TEKT5: variants seen among roughly 807,000 people sequenced by gnomAD.
TEKT5 encodes the protein tektin 5.
Under a neutral mutation model 48.7 loss-of-function variants are expected in TEKT5, and 52 were observed. The observed-to-expected ratio is 1.07, with a 90% CI of 0.86 to 1.35. The LOEUF is 1.35. Among genes scored for constraint, TEKT5 ranks in the 40% most tolerant of loss-of-function variants. The pLI is 0.00. For synonymous variants in TEKT5, 318 were observed against 267.6 expected (o/e 1.19, Z -1.84); for missense variants, 831 against 641.6 (o/e 1.30, Z -3.19).
At position 10,675,942 on chromosome 16, in the gene TEKT5, T is replaced by C. The variant is rs1898636310; in HGVS notation, c.1086+17A>G. 6.2e-7 allele frequency: 1 copy of C among 1,613,208 alleles called. No individual in the cohort carries two copies. ...GGCTTGGCAGAGAAGGCAGGGGTCCTGGGAGGATCTGCTCACCTTCGCCAG... is the reference window on the plus strand; with the variant it reads ...GGCTTGGCAGAGAAGGCAGGGGTCCCGGGAGGATCTGCTCACCTTCGCCAG... On this transcript the variant is annotated intron_variant, in intron 5 of 6. Transcript: ENST00000283025.
intron 5 of TEKT5, among the ~76,000 whole-genome samples, chr16:10,636,164 C>T (rs1262226259): frequency 1.3e-5 from 2 of 152,120 alleles, no homozygotes; most frequent in African/African-American, 4.8e-5. Flanking sequence ...CACCTGAGGT[C>T]AGGGGTTCTA....
chr16:10,643,293 G>A (rs559339760), intron 5 of TEKT5, among the ~76,000 whole-genome samples: 1 of 152,040 alleles, frequency 6.6e-6, no homozygotes, highest in African/African-American at 2.4e-5. Flanking sequence ...GTGAGAGGAT[G>A]GCTTGAGCCT....
intron 5 of TEKT5, among the ~76,000 whole-genome samples, chr16:10,666,164 G>A (rs928363372): frequency 6.6e-6 from 1 of 152,170 alleles, no homozygotes; most frequent in Non-Finnish European, 1.5e-5. Context: ...CCAAGCCACG[G>A]GGAGTAGGCA....
chr16:10,646,684 G>C (rs1898075854), intron 5 of TEKT5, among the ~76,000 whole-genome samples: 1 of 152,080 alleles, frequency 6.6e-6, no homozygotes, highest in African/African-American at 2.4e-5. Context: ...TCCCTAAAGA[G>C]GACAAAAGGA....
At chr16:10,633,513 C>G (rs1471068010) in intron 6 of TEKT5, among the ~76,000 whole-genome samples, 1 of 152,120 alleles carries the variant, frequency 6.6e-6, no homozygotes, top group Non-Finnish European at 1.5e-5. Flanking sequence ...GACCTAGACC[C>G]TATCCATCTC....
At chr16:10,689,474 C>T (rs944131319) in intron 2 of TEKT5, 151 bp from the exon 3 acceptor site, 6 of 628,550 alleles carry the variant, frequency 9.5e-6, no homozygotes, top group African/African-American at 3.8e-5. Flanking sequence ...CCTCAATCCA[C>T]GTGACCCCAG....
intron 3 of TEKT5, 120 bp downstream of exon 3, chr16:10,689,133 T>A (rs980514945): frequency 2.4e-5 from 17 of 696,812 alleles, no homozygotes; most frequent in East Asian, 1.4e-4. Context: ...TTTACCAGCA[T>A]ACCACTGACC....
At chr16:10,690,885 C>T in intron 1 of TEKT5, 1 of 709,800 alleles carries the variant, frequency 1.4e-6, no homozygotes, top group Non-Finnish European at 1.7e-6. Flanking sequence ...TATGTGAGAA[C>T]TCAGAAATGG....
At chr16:10,691,804 G>T (rs970509322) in intron 1 of TEKT5, among the ~76,000 whole-genome samples, 1 of 152,028 alleles carries the variant, frequency 6.6e-6, no homozygotes, top group African/African-American at 2.4e-5. Flanking sequence ...AAAGATTAGC[G>T]GGGCATAGTG....
chr16:10,629,652 G>A (rs1897808400), intron 6 of TEKT5, among the ~76,000 whole-genome samples: 3 of 152,314 alleles, frequency 2.0e-5, no homozygotes, highest in South Asian at 2.1e-4. Context: ...CAGCTGCTAC[G>A]AGTGAGTGTT....
chr16:10,687,518 T>C (rs1310194202), intron 3 of TEKT5, among the ~76,000 whole-genome samples: 4 of 152,360 alleles, frequency 2.6e-5, no homozygotes, highest in Admixed American at 2.6e-4. Context: ...TGTGGGAGCC[T>C]GAGGTGGGCA....
chr16:10,635,731 G>GT (rs758810353), intron 6 of TEKT5, 33 bp downstream of exon 6: 1 of 1,596,560 alleles, frequency 6.3e-7, no homozygotes. Flanking sequence ...ATTCCCAGGG[G>GT]TTCTCCTGCC....
At chr16:10,675,279 G>A (rs966198926) in intron 5 of TEKT5, among the ~76,000 whole-genome samples, 1 of 152,110 alleles carries the variant, frequency 6.6e-6, no homozygotes, top group Admixed American at 6.5e-5. Flanking sequence ...ATGTTTATAC[G>A]GCTCCTCATT....
At chr16:10,685,698 C>T (rs1483599763) in intron 3 of TEKT5, among the ~76,000 whole-genome samples, 1 of 152,110 alleles carries the variant, frequency 6.6e-6, no homozygotes, top group African/African-American at 2.4e-5. Flanking sequence ...GACTCTGTGC[C>T]TCTCTGTCCG....
rs1898764924 is a variant in TEKT5 at position 10,682,089 on chromosome 16, T to C, written c.767A>G (p.Lys256Arg). Residue 256 changes from lysine (K) to arginine (R), a missense_variant, in exon 4 of 7, where the codon AAA becomes AGA. Physicochemically the swap from Lys to Arg is conservative, Grantham distance 26. Transcript: ENST00000283025. ...CTCATCGATACACTGGGCCGAGCTT[T>C]TGTCTTCGAGGTCCCTCTCCAGCAC... ...QHVLERDLEDKSSAQCIDEKC... is the reference protein window; with the variant it reads ...QHVLERDLEDRSSAQCIDEKC... The C allele has an allele frequency of 1.9e-6, 3 of 1,614,146 alleles. 1 individual carries two copies. Among genetic ancestry groups the C allele is most frequent in the East Asian group, 4.5e-5 (2 of 44,878 alleles).
rs763114932 is a variant in TEKT5, at chr16:10,676,198, G to A, written c.864-17C>T. On this transcript the variant is annotated splice_polypyrimidine_tract_variant and intron_variant, in intron 4 of 6. Coordinates refer to ENST00000283025, the MANE Select transcript of TEKT5 (RefSeq NM_144674.2). ...ACGGAGATCCTGCAAAGGCACAAGG[G>A]TGAGTTGCAGCAGTCCTGGAAGACC... is the stretch of plus-strand genomic sequence containing the variant. 2 of 1,612,948 alleles carry A rather than the reference G, an allele frequency of 1.2e-6. No individual in the cohort carries two copies. The highest frequency in any genetic ancestry group is 1.7e-6 in the Non-Finnish European group (2 of 1,178,950).
At chr16:10,647,366 G>C (rs534791298) in intron 5 of TEKT5, among the ~76,000 whole-genome samples, 8 of 151,866 alleles carry the variant, frequency 5.3e-5, no homozygotes, top group Non-Finnish European at 1.0e-4. Flanking sequence ...CAGCTACTCA[G>C]GAGGCTGAGG....
intron 1 of TEKT5, 124 bp from the exon 2 acceptor site, chr16:10,690,149 T>A: frequency 4.2e-6 from 4 of 950,704 alleles, no homozygotes; most frequent in Non-Finnish European, 6.4e-6. Context: ...GTGCTTCATG[T>A]GACCTCACTA....
chr16:10,643,763 C>T (rs80269685), intron 5 of TEKT5, among the ~76,000 whole-genome samples: 2,022 of 152,226 alleles, frequency 0.013, 48 homozygotes, highest in African/African-American at 0.046. Flanking sequence ...TCACGCCGGG[C>T]GGGGTGGCTC....
Sources: gnomAD v4.1 joint callset for allele counts (sites outside exome capture counted in the v4.1 genomes callset) on GRCh38, gnomAD v4.1.1 for gene constraint, MANE v1.5 for transcripts, NCBI Gene and HGNC (gene_info 2026-07-23, HGNC 2026-07-21) for gene names.